THRAP3: variants seen among roughly 807,000 people sequenced by gnomAD.
The protein encoded by THRAP3 is thyroid hormone receptor-associated protein 3.
Under a neutral mutation model 101.0 loss-of-function variants are expected in THRAP3, and 16 were observed. That is an observed-to-expected ratio of 0.16 (90% CI 0.11 to 0.24). The LOEUF (loss-of-function observed/expected upper bound fraction) is 0.24. Ranked by LOEUF, THRAP3 falls within the 10% of genes least tolerant of loss-of-function variation. The pLI, the probability that THRAP3 is intolerant of heterozygous loss-of-function variation, is 1.00. For synonymous variants in THRAP3, 407 were observed against 422.6 expected (o/e 0.96, Z 0.45); for missense variants, 989 against 1,202.7 (o/e 0.82, Z 2.63).
chr1:36,220,953 C>CAA (rs1206488922), upstream of THRAP3, among the ~76,000 whole-genome samples: 1,164 of 44,132 alleles, frequency 0.026, 59 homozygotes, highest in African/African-American at 0.043. Flanking sequence ...GAGACTGTCT[C>CAA]AAAAAAAAAA....
chr1:36,283,062 A>G (rs1645754250), intron 3 of THRAP3, among the ~76,000 whole-genome samples: 1 of 152,248 alleles, frequency 6.6e-6, no homozygotes, highest in Admixed American at 6.5e-5. Context: ...ACTGCAAAGA[A>G]AGGATAGCTA....
chr1:36,231,870 A>G (rs1025773750), intron 1 of THRAP3, among the ~76,000 whole-genome samples: 1 of 152,130 alleles, frequency 6.6e-6, no homozygotes, highest in South Asian at 2.1e-4. Flanking sequence ...TTTTAATATG[A>G]AAGTGATTGA....
chr1:36,233,547 C>G (rs934806834), intron 1 of THRAP3, among the ~76,000 whole-genome samples: 1 of 150,912 alleles, frequency 6.6e-6, no homozygotes, highest in Non-Finnish European at 1.5e-5. Context: ...AGGCTGGGCA[C>G]AGTGGCTCAT....
At chr1:36,216,587 G>A in the THRAP3 span, among the ~76,000 whole-genome samples, 1 of 151,450 alleles carries the variant, frequency 6.6e-6, no homozygotes, top group African/African-American at 2.4e-5. Context: ...GGATTACAAG[G>A]TCAGGAGTTC....
At chr1:36,251,327 G>A (rs934031359) in intron 1 of THRAP3, among the ~76,000 whole-genome samples, 3 of 152,140 alleles carry the variant, frequency 2.0e-5, no homozygotes, top group Non-Finnish European at 2.9e-5. Context: ...CTACTGGACC[G>A]GGATAACTCA....
At chr1:36,301,405 G>T in intron 10 of THRAP3, 148 bp from the exon 11 acceptor site, 12 of 1,072,038 alleles carry the variant, frequency 1.1e-5, no homozygotes, top group Non-Finnish European at 1.6e-5. Context: ...TGAGCAGAAA[G>T]GGAATGGCTG....
intron 1 of THRAP3, among the ~76,000 whole-genome samples, chr1:36,253,442 GTGGGTA>G (rs1168267550): frequency 7.2e-5 from 11 of 152,200 alleles, no homozygotes; most frequent in African/African-American, 2.4e-4. Flanking sequence ...TCAGATTTGT[GTGGGTA>G]TGGAGATATC....
intron 2 of THRAP3, among the ~76,000 whole-genome samples, chr1:36,279,613 A>C (rs1030546843): frequency 6.6e-6 from 1 of 152,190 alleles, no homozygotes; most frequent in East Asian, 1.9e-4. Flanking sequence ...TCTTTTTGGC[A>C]GGATTAAAAC....
chr1:36,229,400 GTTTTTTTTTTTGTTTTTTTTTTGT>G (rs1246653795), intron 1 of THRAP3, among the ~76,000 whole-genome samples: 2 of 102,658 alleles, frequency 1.9e-5, no homozygotes, highest in African/African-American at 6.7e-5. Flanking sequence ...CTGGTCTACA[GTTTTTTTTTTTGTTTTTTTTTTGT>G]TTTTTTTTTT....
At chr1:36,252,315 G>T (rs1183142219) in intron 1 of THRAP3, among the ~76,000 whole-genome samples, 4 of 152,056 alleles carry the variant, frequency 2.6e-5, no homozygotes, top group Admixed American at 2.0e-4. Context: ...AGTAGAGACG[G>T]GGTTTCACCA....
intron 2 of THRAP3, among the ~76,000 whole-genome samples, chr1:36,269,352 G>T (rs1229238271): frequency 6.6e-6 from 1 of 152,066 alleles, no homozygotes; most frequent in African/African-American, 2.4e-5. Flanking sequence ...AAAAAAAGTA[G>T]CTTACTATGT....
chr1:36,230,764 G>A (rs1645019324), intron 1 of THRAP3, among the ~76,000 whole-genome samples: 1 of 152,072 alleles, frequency 6.6e-6, no homozygotes, highest in Admixed American at 6.6e-5. Context: ...AAAGTTTTAT[G>A]GACTAAATCC....
chr1:36,227,543 A>G (rs1273326534), intron 1 of THRAP3, among the ~76,000 whole-genome samples: 1 of 152,098 alleles, frequency 6.6e-6, no homozygotes, highest in African/African-American at 2.4e-5. Context: ...CGGCCTCCCA[A>G]AAGTGCTGGG....
chr1:36,234,807 CTTTTTTTTT>C (rs35278020), intron 1 of THRAP3, among the ~76,000 whole-genome samples: 7 of 72,478 alleles, frequency 9.7e-5, no homozygotes, highest in East Asian at 5.2e-4. Context: ...CTGTTTCAGT[CTTTTTTTTT>C]TTTTTTTTTT....
Position 36,301,410 on chromosome 1 carries a change from T to C in THRAP3, c.2503-143T>C, listed in dbSNP as rs184933337. ...AGACTTGAGATGAGCAGAAAGGGAA[T>C]GGCTGGAAACCAGCTGACCAGCATA... is the stretch of plus-strand genomic sequence containing the variant. On this transcript the variant is annotated intron_variant, in intron 10 of 11. Transcript: ENST00000354618. 2.4e-4 allele frequency: 270 copies of C among 1,114,368 alleles called. 1 individual carries two copies. The East Asian group carries it at 6.3e-3, about 26-fold the overall frequency. 69.0% of individuals were successfully genotyped at this position (1,114,368 alleles called of 1,614,324 possible). A position where few individuals can be genotyped will look rare whatever the true frequency, so the allele number is the denominator to read the frequency against.
chr1:36,238,952 G>A (rs763169055), intron 1 of THRAP3, among the ~76,000 whole-genome samples: 63 of 151,900 alleles, frequency 4.1e-4, no homozygotes, highest in Non-Finnish European at 6.5e-4. Flanking sequence ...ATTATTTTTT[G>A]AGATGGAGTC....
chr1:36,212,579 C>T, the THRAP3 span, among the ~76,000 whole-genome samples: 10 of 151,990 alleles, frequency 6.6e-5, no homozygotes, highest in Non-Finnish European at 1.5e-4. Flanking sequence ...TGCCACCATG[C>T]TCGGCCAGTT....
At chr1:36,252,519 T>G (rs1557818967) in intron 1 of THRAP3, among the ~76,000 whole-genome samples, 1 of 152,180 alleles carries the variant, frequency 6.6e-6, no homozygotes. Context: ...TCAGATACTT[T>G]AGGCTTTGCT....
chr1:36,266,050 A>T (rs1169615116), intron 2 of THRAP3, among the ~76,000 whole-genome samples: 1 of 151,028 alleles, frequency 6.6e-6, no homozygotes, highest in East Asian at 2.0e-4. Context: ...GCTACTCGGG[A>T]GGCTGAGGTA....
Sources: gnomAD v4.1 joint callset for allele counts (sites outside exome capture counted in the v4.1 genomes callset) on GRCh38, gnomAD v4.1.1 for gene constraint, MANE v1.5 for transcripts, NCBI Gene and HGNC (gene_info 2026-07-23, HGNC 2026-07-21) for gene names.